The following ZCCHC4 variants were observed in gnomAD, a reference collection of about 807,000 sequenced individuals.
The protein encoded by ZCCHC4 is rRNA N(6)-adenosine-methyltransferase ZCCHC4.
ZCCHC4 carries 54 observed loss-of-function variants against 67.7 expected under a neutral mutation model. That is an observed-to-expected ratio of 0.80 (90% CI 0.64 to 1.00). ZCCHC4 has a LOEUF of 1.00. Among genes scored for constraint, ZCCHC4 ranks in the 50% least tolerant of loss-of-function variants. ZCCHC4 has a pLI of 0.00. For missense variants in ZCCHC4, 609 were observed against 617.0 expected (o/e 0.99, Z 0.14); for synonymous variants, 198 against 213.5 (o/e 0.93, Z 0.63).
At chr4:25,343,787 C>T (rs1181044915) in intron 5 of ZCCHC4, among the ~76,000 whole-genome samples, 1 of 152,200 alleles carries the variant, frequency 6.6e-6, no homozygotes, top group Non-Finnish European at 1.5e-5. Flanking sequence ...GATGCTCAAT[C>T]AGTTACAGAC....
intron 3 of ZCCHC4, among the ~76,000 whole-genome samples, chr4:25,317,389 A>G (rs1412892850): frequency 2.6e-5 from 4 of 152,156 alleles, no homozygotes; most frequent in Non-Finnish European, 1.5e-5. Flanking sequence ...GAATTCAGTC[A>G]TCACCCAAAA....
In ZCCHC4 at chr4:25,352,378, C is replaced by G; in HGVS notation, c.1011+689C>G. The G allele has an allele frequency of 5.1e-6, 5 of 985,490 alleles. No homozygotes were observed. In the South Asian group the frequency reaches 2.3e-4, roughly 46 times the overall value. The allele number at this position is 985,490 out of a possible 1,614,324, so 61.0% of individuals were successfully genotyped here. On this transcript the variant is annotated intron_variant, in intron 8 of 12. Coordinates refer to ENST00000302874, the MANE Select transcript of ZCCHC4 (RefSeq NM_024936.3). ...GTGTTTGAAGTTAACCCTGTTGTCGCCATCACTGTTTATGGTCTTCAGGCA... is the reference window on the plus strand; with the variant it reads ...GTGTTTGAAGTTAACCCTGTTGTCGGCATCACTGTTTATGGTCTTCAGGCA...
rs1211467226 is a variant in ZCCHC4 at position 25,333,368 on chromosome 4, A to G, written c.515A>G (p.Gln172Arg). Residue 172 changes from glutamine to arginine, a missense_variant, in exon 4 of 13, where the codon CAG becomes CGG. Coordinates refer to ENST00000302874, the MANE Select transcript of ZCCHC4 (RefSeq NM_024936.3). The stretch of plus-strand genomic sequence containing the variant: ...CTGGAAAACAAGAAGACAAATGCCC[A>G]GTATCTGTTTGCTGATCGGAGCTGT... ...YPLENKKTNA[Q>R]YLFADRSCQF... 1.2e-6 allele frequency: 2 copies of G among 1,614,050 alleles called. No individual in the cohort carries two copies. Among genetic ancestry groups the G allele is most frequent in the Non-Finnish European group, 8.5e-7 (1 of 1,180,024 alleles).
At position 25,370,232 on chromosome 4, in the gene ZCCHC4, C is replaced by A. The variant is rs1721094914; in HGVS notation, c.*1068C>A. On this transcript the variant is annotated 3_prime_UTR_variant, in exon 13 of 13. Transcript: ENST00000302874. ...GGTAATTAAACGCCCAAACTAAACT[C>A]CTCATTCCTACCCTTAATATTTCCT... The A allele has an allele frequency of 6.6e-6, 1 of 152,178 alleles. No homozygotes were observed. The highest frequency in any genetic ancestry group is 2.4e-5 in the African/African-American group (1 of 41,454). 9.4% of individuals were successfully genotyped at this position (152,178 alleles called of 1,614,324 possible).
intron 6 of ZCCHC4, 118 bp from the exon 7 acceptor site, chr4:25,349,374 A>G: frequency 1.1e-6 from 1 of 920,700 alleles, no homozygotes. Context: ...CGGTGGCAAG[A>G]TGACTTGGTA....
intron 3 of ZCCHC4, among the ~76,000 whole-genome samples, chr4:25,316,926 A>G (rs1228197153): frequency 6.6e-6 from 1 of 152,188 alleles, no homozygotes; most frequent in East Asian, 1.9e-4. Context: ...TCTTTTTTGA[A>G]ATACTAAACC....
chr4:25,329,500 A>G (rs1384209227), intron 3 of ZCCHC4, among the ~76,000 whole-genome samples: 1 of 149,704 alleles, frequency 6.7e-6, no homozygotes, highest in African/African-American at 2.4e-5. Flanking sequence ...TAATTTTAAC[A>G]AACCTTTGTA....
rs1173718628 is a variant in ZCCHC4 at position 25,312,851 on chromosome 4, G to A, written c.42G>A (p.Glu14=). 6.2e-7 allele frequency: 1 copy of A among 1,613,270 alleles called. No homozygotes were observed. The highest frequency in any genetic ancestry group is 8.5e-7 in the Non-Finnish European group (1 of 1,180,038). ...ATGGGTTTGAAGCCGTGGAGGCAGA[G>A]GGCAGCGCAGGGTGCCGGGGAAGCT... ...SRNGFEAVEA[E]GSAGCRGSSG... The change falls in exon 1 of 13, where the codon GAG becomes GAA. Residue 14 remains glutamate, a synonymous_variant. Coordinates refer to ENST00000302874, the MANE Select transcript of ZCCHC4 (RefSeq NM_024936.3).
Position 25,333,473 on chromosome 4 carries a change from T to C in ZCCHC4, c.605+15T>C. ...GGAACACCAAGGTATGTCATGTGAT[T>C]TTTTAAAGAATTATCTTCTCACCAC... On this transcript the variant is annotated intron_variant, in intron 4 of 12. Transcript: ENST00000302874. The C allele has an allele frequency of 6.2e-7, 1 of 1,611,836 alleles. No homozygotes were observed. Among genetic ancestry groups the C allele is most frequent in the Non-Finnish European group, 8.5e-7 (1 of 1,178,730 alleles).
intron 8 of ZCCHC4, among the ~76,000 whole-genome samples, chr4:25,361,057 C>G (rs1463759144): frequency 2.0e-5 from 3 of 152,202 alleles, no homozygotes; most frequent in African/African-American, 4.8e-5. Flanking sequence ...ACTAGTTGGT[C>G]ACCAGCCCCT....
At chr4:25,353,102 C>G (rs1720375165) in intron 8 of ZCCHC4, among the ~76,000 whole-genome samples, 1 of 152,106 alleles carries the variant, frequency 6.6e-6, no homozygotes, top group African/African-American at 2.4e-5. Context: ...AATCTTTATG[C>G]TTTAATAAAT....
intron 10 of ZCCHC4, 77 bp from the exon 11 acceptor site, chr4:25,364,377 T>G: frequency 8.8e-7 from 1 of 1,136,738 alleles, no homozygotes; most frequent in South Asian, 1.8e-5. Flanking sequence ...TAATAAGACA[T>G]TTTAATTTTT....
intron 5 of ZCCHC4, among the ~76,000 whole-genome samples, chr4:25,336,552 T>C (rs1324773353): frequency 6.6e-6 from 1 of 152,188 alleles, no homozygotes; most frequent in Non-Finnish European, 1.5e-5. Context: ...AATGGTGCGA[T>C]CTCAGCTCAC....
chr4:25,366,826 C>T (rs1244840537), intron 12 of ZCCHC4, among the ~76,000 whole-genome samples: 1 of 152,006 alleles, frequency 6.6e-6, no homozygotes, highest in Non-Finnish European at 1.5e-5. Context: ...TCCTAAATAG[C>T]CTCAGCTAGT....
Position 25,359,917 on chromosome 4 carries a change from A to G in ZCCHC4, c.1012-1942A>G, listed in dbSNP as rs1415086139. On this transcript the variant is annotated intron_variant, in intron 8 of 12. Coordinates refer to ENST00000302874, the MANE Select transcript of ZCCHC4 (RefSeq NM_024936.3). This position sits in a 1 kb window ranked among gnomAD's most constrained non-coding sequence, Gnocchi z 4.9. ...TTAGCAATCCACTGGTCTCCCACCA[A>G]TGTACAGCAAGTGCTGGTGCTGGTA... Among the ~76,000 whole-genome samples the G allele has an allele frequency of 6.6e-6, 1 of 152,198 alleles. No individual in the cohort carries two copies. The highest frequency in any genetic ancestry group is 6.5e-5 in the Admixed American group (1 of 15,288).
intron 12 of ZCCHC4, chr4:25,365,734 A>G (rs1003265077): frequency 6.1e-6 from 6 of 985,546 alleles, no homozygotes; most frequent in Non-Finnish European, 7.2e-6. Flanking sequence ...GATTGGAGCT[A>G]TGGATTACAA....
chr4:25,347,070 G>A (rs1157382231), intron 6 of ZCCHC4, among the ~76,000 whole-genome samples: 1 of 152,208 alleles, frequency 6.6e-6, no homozygotes, highest in Non-Finnish European at 1.5e-5. Context: ...TGATGTAGGG[G>A]TGTCCCCCTT....
intron 3 of ZCCHC4, among the ~76,000 whole-genome samples, chr4:25,316,251 A>G (rs1718258234): frequency 6.6e-6 from 1 of 152,194 alleles, no homozygotes; most frequent in East Asian, 1.9e-4. Context: ...GGCTGTGTCT[A>G]CTTTTTTGCT....
chr4:25,344,190 A>G (rs1719885926), intron 5 of ZCCHC4, among the ~76,000 whole-genome samples: 1 of 152,108 alleles, frequency 6.6e-6, no homozygotes, highest in African/African-American at 2.4e-5. Flanking sequence ...GTAAATTAGC[A>G]GGAATTTATA....
Sources: gnomAD v4.1 joint callset for allele counts (sites outside exome capture counted in the v4.1 genomes callset) on GRCh38, gnomAD v4.1.1 for gene constraint, Gnocchi (gnomAD v3.1) non-coding constraint, MANE v1.5 for transcripts, NCBI Gene and HGNC (gene_info 2026-07-23, HGNC 2026-07-21) for gene names.